The following MDM2 variants were observed in gnomAD, a reference collection of about 807,000 sequenced individuals.
MDM2 encodes E3 ubiquitin-protein ligase Mdm2.
MDM2 carries 11 observed loss-of-function variants against 64.3 expected under a neutral mutation model. The ratio of observed to expected loss-of-function variants is 0.17; its 90% confidence interval spans 0.11 to 0.28. The LOEUF is 0.28. Among genes scored for constraint, MDM2 ranks in the 10% least tolerant of loss-of-function variants. The pLI, the probability that MDM2 is intolerant of heterozygous loss-of-function variation, is 1.00. For missense variants in MDM2, 388 were observed against 577.1 expected (o/e 0.67, Z 3.36); for synonymous variants, 194 against 192.9 (o/e 1.01, Z -0.05).
At chr12:68,827,097 G>A (rs1882399104) in intron 7 of MDM2, among the ~76,000 whole-genome samples, 1 of 152,138 alleles carries the variant, frequency 6.6e-6, no homozygotes, top group Non-Finnish European at 1.5e-5. Flanking sequence ...AGAATTGCTT[G>A]AACCCAGGAG....
chr12:68,847,502 G>A (rs1187955177), downstream of MDM2: 3 of 114,670 alleles, frequency 2.6e-5, no homozygotes, highest in East Asian at 7.6e-4. Flanking sequence ...AGCCCAGGCC[G>A]GATTGCAGTG....
intron 2 of MDM2, among the ~76,000 whole-genome samples, chr12:68,811,504 T>G (rs1033473169): frequency 6.6e-6 from 1 of 152,136 alleles, no homozygotes; most frequent in African/African-American, 2.4e-5. Flanking sequence ...TTCTTGTTCT[T>G]CAATGTAAGA....
At chr12:68,834,886 A>T (rs902918685) in intron 8 of MDM2, among the ~76,000 whole-genome samples, 28 of 152,194 alleles carry the variant, frequency 1.8e-4, no homozygotes, top group African/African-American at 4.8e-4. Flanking sequence ...ACTGACAGCA[A>T]ATATTATTGC....
At chr12:68,821,114 T>C (rs1211616) in intron 5 of MDM2, among the ~76,000 whole-genome samples, 128,990 of 148,154 alleles carry the variant, frequency 0.87, 56,440 homozygotes, top group African/African-American at 0.97. Flanking sequence ...GTGGCATGAT[T>C]TCGACTCACT....
At chr12:68,849,402 G>T (rs11177392), downstream of MDM2, 1,152 of 60,502 alleles carry the variant, frequency 0.019, 13 homozygotes, top group East Asian at 0.11. Context: ...TTTTTTTTTT[G>T]TTGTTGTTGT....
intron 5 of MDM2, among the ~76,000 whole-genome samples, chr12:68,822,118 T>C (rs935681935): frequency 6.6e-6 from 1 of 152,162 alleles, no homozygotes; most frequent in African/African-American, 2.4e-5. Context: ...TCCCAAAGTT[T>C]AGGGGTTACA....
At chr12:68,817,769 T>A (rs958222713) in intron 4 of MDM2, among the ~76,000 whole-genome samples, 7 of 151,994 alleles carry the variant, frequency 4.6e-5, no homozygotes, top group African/African-American at 1.7e-4. Context: ...AAAATTTTTT[T>A]AATATATATT....
chr12:68,808,977 G>C (rs1880612922), intron 1 of MDM2: 2 of 1,420,474 alleles, frequency 1.4e-6, no homozygotes, highest in Non-Finnish European at 1.8e-6. Flanking sequence ...GTCCTGACTT[G>C]TCTCCAGCTG....
rs1284664459 is a variant in MDM2 at position 68,845,145 on chromosome 12, GA to G, written c.*5300del. On this transcript the variant is annotated 3_prime_UTR_variant, in exon 11 of 11. Coordinates refer to ENST00000258149, the MANE Select transcript of MDM2 (RefSeq NM_002392.6). ...AACCACAAGTTGTTAATGGCATTGT[GA>G]AAAGTTTTTAGTTGCGCTTTATGGG... 1 of 223,918 alleles carries G rather than the reference GA, an allele frequency of 4.5e-6. No homozygotes were observed. The highest frequency in any genetic ancestry group is 5.7e-5 in the Admixed American group (1 of 17,470). The allele number at this position is 223,918 out of a possible 1,614,324, so 13.9% of individuals were successfully genotyped here.
rs1043928142 is a variant in MDM2, at chr12:68,809,055, G to T, written c.15-153G>T. The T allele has an allele frequency of 1.5e-5, 23 of 1,497,712 alleles. No homozygotes were observed. In the African/African-American group the frequency reaches 2.6e-4, roughly 17 times the overall value. The allele number at this position is 1,497,712 out of a possible 1,614,324, so 92.8% of individuals were successfully genotyped here. A position where few individuals can be genotyped will look rare whatever the true frequency, so the allele number is the denominator to read the frequency against. On this transcript the variant is annotated intron_variant, in intron 1 of 10. Transcript: ENST00000258149. ...GATTGGAGGGTAGACCTGTGGGCAC[G>T]GACGCACGCCACTTTTTCTCTGCTG...
intron 4 of MDM2, among the ~76,000 whole-genome samples, chr12:68,819,011 C>T (rs560006776): frequency 6.6e-6 from 1 of 152,194 alleles, no homozygotes; most frequent in Non-Finnish European, 1.5e-5. Flanking sequence ...GGATTACAGA[C>T]GTGAGCCACT....
chr12:68,828,918 C>T lies in MDM2; in HGVS notation c.671C>T (p.Thr224Met), dbSNP rs755256189. The T allele has an allele frequency of 2.1e-5, 34 of 1,613,622 alleles. No individual in the cohort carries two copies. The highest frequency in any genetic ancestry group is 2.7e-5 in the Non-Finnish European group (32 of 1,179,896). ...ERSSSSESTG[T>M]PSNPDLDAGV... ...AGCAGTAGCAGTGAATCTACAGGGA[C>T]GCCATCGAATCCGGTAATGTTCTCA... Residue 224 changes from threonine (T) to methionine (M), a missense_variant, in exon 8 of 11, where the codon ACG becomes ATG. Coordinates refer to ENST00000258149, the MANE Select transcript of MDM2 (RefSeq NM_002392.6).
At chr12:68,810,252 G>C (rs1172982503) in intron 2 of MDM2, among the ~76,000 whole-genome samples, 1 of 151,636 alleles carries the variant, frequency 6.6e-6, no homozygotes, top group African/African-American at 2.4e-5. Context: ...AGAGGTTGCG[G>C]TGAGCCAAGA....
At chr12:68,832,983 G>A (rs540196661) in intron 8 of MDM2, among the ~76,000 whole-genome samples, 4 of 149,728 alleles carry the variant, frequency 2.7e-5, no homozygotes, top group Non-Finnish European at 5.9e-5. Flanking sequence ...AAAATTAGCC[G>A]GGCGTGGTGG....
chr12:68,825,504 T>TA, intron 7 of MDM2, among the ~76,000 whole-genome samples: 1 of 152,080 alleles, frequency 6.6e-6, no homozygotes, highest in South Asian at 2.1e-4. Flanking sequence ...ATACAAAAAA[T>TA]TAGCTGGATG....
At chr12:68,818,803 A>G (rs771625431) in intron 4 of MDM2, among the ~76,000 whole-genome samples, 44 of 150,702 alleles carry the variant, frequency 2.9e-4, no homozygotes, top group Non-Finnish European at 5.3e-4. Flanking sequence ...TCTGTTGCCC[A>G]GGCTGCAACC....
At chr12:68,824,314 C>A in intron 5 of MDM2, 49 bp from the exon 6 acceptor site, 1 of 1,402,350 alleles carries the variant, frequency 7.1e-7, no homozygotes, top group East Asian at 2.3e-5. Context: ...TAGCGCCCCG[C>A]CGCCCCCCGC....
chr12:68,843,387 T>C lies in MDM2; in HGVS notation c.*3538T>C. The C allele has an allele frequency of 4.3e-6, 1 of 231,214 alleles. No homozygotes were observed. The highest frequency in any genetic ancestry group is 8.6e-6 in the Non-Finnish European group (1 of 116,842). 14.3% of individuals were successfully genotyped at this position (231,214 alleles called of 1,614,324 possible). A position where few individuals can be genotyped will look rare whatever the true frequency, so the allele number is the denominator to read the frequency against. On this transcript the variant is annotated 3_prime_UTR_variant, in exon 11 of 11. Coordinates refer to ENST00000258149, the MANE Select transcript of MDM2 (RefSeq NM_002392.6). Reference sequence around the variant, plus strand: ...ATGATATTTGAGCTGATGGGTGTGCTAATTACACTGATTTGATCAATACCC... The same window carrying C: ...ATGATATTTGAGCTGATGGGTGTGCCAATTACACTGATTTGATCAATACCC...
At chr12:68,826,875 C>T (rs993095660) in intron 7 of MDM2, among the ~76,000 whole-genome samples, 4 of 151,882 alleles carry the variant, frequency 2.6e-5, no homozygotes, top group Non-Finnish European at 4.4e-5. Context: ...CTTGTGATCT[C>T]GATAAAACGT....
Sources: gnomAD v4.1 joint callset for allele counts (sites outside exome capture counted in the v4.1 genomes callset) on GRCh38, gnomAD v4.1.1 for gene constraint, MANE v1.5 for transcripts, NCBI Gene and HGNC (gene_info 2026-07-23, HGNC 2026-07-21) for gene names.